NTRK2: variants seen among roughly 807,000 people sequenced by gnomAD.
The protein encoded by NTRK2 is BDNF/NT-3 growth factors receptor.
A neutral mutation model predicts 94.5 loss-of-function variants in NTRK2; 13 were observed. That is an observed-to-expected ratio of 0.14 (90% confidence interval 0.09 to 0.22). The LOEUF is 0.22. Among genes scored for constraint, NTRK2 ranks in the 10% least tolerant of loss-of-function variants. The pLI, the probability that NTRK2 is intolerant of heterozygous loss-of-function variation, is 1.00. For synonymous variants in NTRK2, 372 were observed against 407.4 expected, an observed-to-expected ratio of 0.91 and a Z score of 1.05; for missense variants, 639 against 1,071.2, an observed-to-expected ratio of 0.60 and a Z score of 5.63.
chr9:84,797,984 G>A (rs1436086518), intron 12 of NTRK2, among the ~76,000 whole-genome samples: 2 of 147,256 alleles, frequency 1.4e-5, no homozygotes, highest in Non-Finnish European at 3.0e-5. Flanking sequence ...GGACTCCTGG[G>A]TATGAGCCAT....
At chr9:84,948,710 G>A (rs2132890750) in intron 16 of NTRK2, 76 bp downstream of exon 16, 6 of 1,373,624 alleles carry the variant, frequency 4.4e-6, no homozygotes, top group Non-Finnish European at 6.2e-6. Context: ...TCATGGGAGG[G>A]AACAAGGGAC....
intron 17 of NTRK2, among the ~76,000 whole-genome samples, chr9:85,012,242 C>T (rs1831697286): frequency 6.6e-6 from 1 of 152,018 alleles, no homozygotes; most frequent in Admixed American, 6.6e-5. Flanking sequence ...CTGCCTTTGC[C>T]TCCCATAGTG....
At chr9:84,816,555 C>T (rs548003033) in intron 12 of NTRK2, among the ~76,000 whole-genome samples, 9 of 151,566 alleles carry the variant, frequency 5.9e-5, no homozygotes, top group African/African-American at 1.9e-4. Context: ...CTGAGGCGGG[C>T]GGATCATGAG....
intron 12 of NTRK2, among the ~76,000 whole-genome samples, chr9:84,851,319 C>T (rs1017806686): frequency 3.9e-5 from 6 of 152,226 alleles, no homozygotes; most frequent in Non-Finnish European, 1.5e-5. Context: ...GCAGTCTCAT[C>T]TGATGGGTTT....
At chr9:84,776,710 C>T (rs2067082259) in intron 12 of NTRK2, among the ~76,000 whole-genome samples, 1 of 152,194 alleles carries the variant, frequency 6.6e-6, no homozygotes, top group Admixed American at 6.5e-5. Flanking sequence ...TCAATTCTCT[C>T]TTCCAAAACC....
intron 12 of NTRK2, among the ~76,000 whole-genome samples, chr9:84,852,273 C>T (rs2074814391): frequency 1.3e-5 from 2 of 152,220 alleles, no homozygotes; most frequent in South Asian, 4.1e-4. Context: ...ACCAGCATGG[C>T]TTTGCAGAGA....
At chr9:84,765,908 T>C (rs1226861706) in intron 12 of NTRK2, among the ~76,000 whole-genome samples, 1 of 152,106 alleles carries the variant, frequency 6.6e-6, no homozygotes, top group Non-Finnish European at 1.5e-5. Flanking sequence ...ATTAATATAA[T>C]AGAAAAAATT....
At chr9:84,768,087 A>T (rs1334166388) in intron 12 of NTRK2, among the ~76,000 whole-genome samples, 1 of 152,170 alleles carries the variant, frequency 6.6e-6, no homozygotes, top group Non-Finnish European at 1.5e-5. Context: ...CAATAATGTT[A>T]AGTTTGCTTT....
At position 84,741,925 on chromosome 9, in the gene NTRK2, A is replaced by G; in HGVS notation, c.1193A>G (p.Glu398Gly). Reference protein sequence around the residue: ...ANPNYPDVIYEDYGTAANDIG... With the variant: ...ANPNYPDVIYGDYGTAANDIG... ...CCAAATTATCCTGATGTAATTTATG[A>G]AGGTAGCTATCGTGTTTTCTACTTT... The change falls in exon 10 of 19, where the codon GAA becomes GGA. Residue 398 changes from glutamate to glycine, a missense_variant and splice_region_variant. This residue lies in a region of NTRK2 where 343 missense variants were observed against 571.5 expected (regional missense o/e 0.60). Coordinates refer to ENST00000277120, the MANE Select transcript of NTRK2 (RefSeq NM_006180.6). 1 of 1,611,554 alleles carries G rather than the reference A, an allele frequency of 6.2e-7. No homozygotes were observed. The highest frequency in any genetic ancestry group is 8.5e-7 in the Non-Finnish European group (1 of 1,178,482).
chr9:84,842,841 C>G, intron 12 of NTRK2, among the ~76,000 whole-genome samples: 1 of 152,302 alleles, frequency 6.6e-6, no homozygotes, highest in Admixed American at 6.5e-5. Flanking sequence ...CCTTAGAAGA[C>G]CTTAGACTGG....
chr9:84,952,294 A>G (rs1297885326), intron 16 of NTRK2, among the ~76,000 whole-genome samples: 2 of 152,182 alleles, frequency 1.3e-5, no homozygotes, highest in Non-Finnish European at 2.9e-5. Flanking sequence ...TGAAAAGACC[A>G]GAAGGAAAGT....
intron 14 of NTRK2, chr9:84,875,827 C>A (rs200638475): frequency 6.4e-5 from 67 of 1,044,994 alleles, no homozygotes; most frequent in Non-Finnish European, 7.4e-5. Flanking sequence ...GGCAAGGAGG[C>A]CTCTATCAAT....
At chr9:84,906,373 T>A (rs1162062698) in intron 14 of NTRK2, among the ~76,000 whole-genome samples, 1 of 151,952 alleles carries the variant, frequency 6.6e-6, no homozygotes, top group Non-Finnish European at 1.5e-5. Flanking sequence ...GAAGGTGGCA[T>A]GTGAGAGAAA....
intron 14 of NTRK2, among the ~76,000 whole-genome samples, chr9:84,891,976 A>T (rs568031838): frequency 4.6e-5 from 7 of 152,208 alleles, no homozygotes; most frequent in African/African-American, 1.7e-4. Flanking sequence ...AGATGGATAT[A>T]GGCTAGGAGA....
chr9:84,691,227 G>A (rs1271978838), intron 2 of NTRK2, among the ~76,000 whole-genome samples: 1 of 152,200 alleles, frequency 6.6e-6, no homozygotes, highest in Non-Finnish European at 1.5e-5. Flanking sequence ...AATAAGTGAT[G>A]TAACGCACAG....
intron 14 of NTRK2, among the ~76,000 whole-genome samples, chr9:84,921,574 A>G (rs549431728): frequency 1.3e-5 from 2 of 152,208 alleles, no homozygotes; most frequent in Non-Finnish European, 2.9e-5. Context: ...GTAATATTCC[A>G]CTGATTTTAT....
chr9:85,023,851 A>G lies in NTRK2; in HGVS notation c.*2414A>G, dbSNP rs773611628. On this transcript the variant is annotated 3_prime_UTR_variant, in exon 19 of 19. Coordinates refer to ENST00000277120, the MANE Select transcript of NTRK2 (RefSeq NM_006180.6). ...AGCTAATCTCGGGGGAAAAGCTACA[A>G]GTTATTTATTTTATTTTAAGAGAAT... is the stretch of plus-strand genomic sequence containing the variant. 3.1e-5 allele frequency: 7 copies of G among 229,464 alleles called. No homozygotes were observed. The highest frequency in any genetic ancestry group is 6.0e-5 in the Non-Finnish European group (7 of 115,742). 14.2% of individuals were successfully genotyped at this position (229,464 alleles called of 1,614,324 possible).
chr9:84,930,547 C>T (rs776843386), intron 14 of NTRK2, among the ~76,000 whole-genome samples: 1 of 152,116 alleles, frequency 6.6e-6, no homozygotes, highest in Non-Finnish European at 1.5e-5. Flanking sequence ...ATAGAGATGG[C>T]GTCCAATTGA....
At chr9:85,000,545 A>G (rs1159275197) in intron 17 of NTRK2, among the ~76,000 whole-genome samples, 1 of 152,058 alleles carries the variant, frequency 6.6e-6, no homozygotes, top group Non-Finnish European at 1.5e-5. Context: ...GCTTCTTTTT[A>G]CTTAATAATA....
Sources: gnomAD v4.1 joint callset for allele counts (sites outside exome capture counted in the v4.1 genomes callset) on GRCh38, gnomAD v4.1.1 for gene constraint, gnomAD v4.1.1 regional missense constraint, MANE v1.5 for transcripts, NCBI Gene and HGNC (gene_info 2026-07-23, HGNC 2026-07-21) for gene names.